Variants in MIA2 observed in about 807,000 individuals in gnomAD.
The protein encoded by MIA2 is MIA SH3 domain ER export factor 2.
In MIA2, 127 loss-of-function variants were observed where a neutral mutation model predicts 167.8. That is an observed-to-expected ratio of 0.76 (90% confidence interval 0.66 to 0.88). MIA2 has a LOEUF of 0.88. Ranked by LOEUF, MIA2 falls within the 40% of genes least tolerant of loss-of-function variation. The probability of loss-of-function intolerance (pLI) is 0.00; values close to 1 mark genes in which losing one functional copy is unlikely to be tolerated. For missense variants in MIA2, 1,690 were observed against 1,624.7 expected (o/e 1.04, Z -0.69); for synonymous variants, 552 against 541.9 (o/e 1.02, Z -0.26).
In MIA2 at chr14:39,299,920, A is replaced by G; in HGVS notation, c.2553A>G (p.Lys851=). 6.2e-7 allele frequency: 1 copy of G among 1,610,130 alleles called. No homozygotes were observed. Among genetic ancestry groups the G allele is most frequent in the Non-Finnish European group, 8.5e-7 (1 of 1,178,932 alleles). ...KEQVSELNKQ[K]VTFEDSKVHA... is the part of the protein sequence containing the mutation. Reference sequence around the variant, plus strand: ...AAGTGAGTGAACTTAATAAACAGAAAGTAACATTTGAAGACTCCAAAGTAC... The same window carrying G: ...AAGTGAGTGAACTTAATAAACAGAAGGTAACATTTGAAGACTCCAAAGTAC... Residue 851 remains lysine, a synonymous_variant, in exon 14 of 29, where the codon AAA becomes AAG. Transcript: ENST00000640607.
At chr14:39,258,611 C>T (rs938544557) in intron 6 of MIA2, among the ~76,000 whole-genome samples, 1 of 152,182 alleles carries the variant, frequency 6.6e-6, no homozygotes. Flanking sequence ...ATTCTCTGTT[C>T]AGTTTTGTGC....
At chr14:39,286,787 G>T (rs1183041187) in intron 9 of MIA2, among the ~76,000 whole-genome samples, 1 of 147,566 alleles carries the variant, frequency 6.8e-6, no homozygotes, top group Non-Finnish European at 1.5e-5. Flanking sequence ...TCTGCCTCCC[G>T]GGTTCAAGTG....
intron 6 of MIA2, 169 bp downstream of exon 6, chr14:39,253,340 A>C (rs1408779623): frequency 1.1e-6 from 1 of 894,956 alleles, no homozygotes; most frequent in Non-Finnish European, 1.7e-6. Flanking sequence ...GTTTTGTCAA[A>C]TGGATATTGA....
Position 39,345,984 on chromosome 14 carries a change from G to C in MIA2, c.3736G>C (p.Ala1246Pro). The stretch of plus-strand genomic sequence containing the variant: ...TAATTCTGGTAGACTGTCTGGACCA[G>C]CAGAACTCAGAAGTTTTAATATGCC... The part of the protein sequence containing the change: ...CSNSGRLSGP[A>P]ELRSFNMPSL... Residue 1246 changes from alanine (A) to proline (P), a missense_variant, in exon 26 of 29, where the codon GCA (alanine) becomes CCA (proline). Coordinates refer to ENST00000640607, the MANE Select transcript of MIA2 (RefSeq NM_001329214.4). The C allele has an allele frequency of 6.2e-7, 1 of 1,611,862 alleles. No individual in the cohort carries two copies. Among genetic ancestry groups the C allele is most frequent in the African/African-American group, 1.3e-5 (1 of 75,012 alleles).
intron 9 of MIA2, among the ~76,000 whole-genome samples, chr14:39,280,944 CGT>C (rs1491367925): frequency 6.1e-5 from 3 of 49,374 alleles, no homozygotes; most frequent in African/African-American, 3.1e-4. Flanking sequence ...TTTGAGACAG[CGT>C]CTCTCTCTCT....
At chr14:39,288,449 A>ATTTTTTTTTTTTTTTTTTTT (rs1566746769) in intron 9 of MIA2, among the ~76,000 whole-genome samples, 2 of 4,376 alleles carry the variant, frequency 4.6e-4, no homozygotes, top group East Asian at 4.0e-3. Context: ...ATATATATAT[A>ATTTTTTTTTTTTTTTTTTTT]TATATATATA....
intron 25 of MIA2, among the ~76,000 whole-genome samples, chr14:39,337,993 G>A (rs545512248): frequency 6.6e-6 from 1 of 152,172 alleles, no homozygotes; most frequent in Non-Finnish European, 1.5e-5. Context: ...AAAGTGCTGG[G>A]ATTACAGGCG....
chr14:39,321,135 T>A (rs1384767808), intron 24 of MIA2, 79 bp downstream of exon 24: 2 of 1,418,158 alleles, frequency 1.4e-6, no homozygotes, highest in Non-Finnish European at 9.6e-7. Flanking sequence ...TTAAAAATGA[T>A]CTGTAAAATA....
chr14:39,345,651 C>T (rs2073074185), intron 25 of MIA2, among the ~76,000 whole-genome samples: 1 of 152,146 alleles, frequency 6.6e-6, no homozygotes, highest in African/African-American at 2.4e-5. Flanking sequence ...TCTGTTTTCA[C>T]ATATTCTAAT....
intron 20 of MIA2, 104 bp from the exon 21 acceptor site, chr14:39,315,579 T>C: frequency 1.2e-6 from 1 of 817,008 alleles, no homozygotes; most frequent in Non-Finnish European, 2.0e-6. Flanking sequence ...TCAGAGATGC[T>C]TGGGATAGTT....
chr14:39,357,374 C>A (rs1344404201), intron 23 of MIA2, among the ~76,000 whole-genome samples: 1 of 152,110 alleles, frequency 6.6e-6, no homozygotes, highest in African/African-American at 2.4e-5. Flanking sequence ...AGGATTGCAA[C>A]CCCTGCCTTT....
intron 14 of MIA2, among the ~76,000 whole-genome samples, chr14:39,301,278 A>C (rs1426006482): frequency 1.3e-5 from 2 of 152,074 alleles, no homozygotes; most frequent in African/African-American, 4.8e-5. Flanking sequence ...TGGCCAGGCT[A>C]GTCTTGGAAC....
chr14:39,382,953 GTTT>G (rs10689511), intron 23 of MIA2, among the ~76,000 whole-genome samples: 1 of 75,054 alleles, frequency 1.3e-5, no homozygotes, highest in African/African-American at 5.3e-5. Flanking sequence ...TATGGCCACA[GTTT>G]TTTTTTTTTT....
chr14:39,241,863 G>T (rs1400775740), intron 3 of MIA2, among the ~76,000 whole-genome samples: 1 of 152,070 alleles, frequency 6.6e-6, no homozygotes, highest in Non-Finnish European at 1.5e-5. Context: ...CCTGTCTCTG[G>T]TGCCACTCTC....
chr14:39,247,308 C>T lies in MIA2; in HGVS notation c.734C>T (p.Pro245Leu). 1 of 1,613,864 alleles carries T rather than the reference C, an allele frequency of 6.2e-7. No individual in the cohort carries two copies. Among genetic ancestry groups the T allele is most frequent in the Non-Finnish European group, 8.5e-7 (1 of 1,179,946 alleles). Reference sequence around the variant, plus strand: ...AAGGCTTTTGAATCAGTTATTGAACCTGTACAAGAAAGCTCATTTCGGAGT... The same window carrying T: ...AAGGCTTTTGAATCAGTTATTGAACTTGTACAAGAAAGCTCATTTCGGAGT... The part of the protein sequence containing the change: ...EEKAFESVIE[P>L]VQESSFRSRK... The change falls in exon 4 of 29, where the codon CCT (proline) becomes CTT (leucine). Residue 245 changes from proline to leucine, a missense_variant. Physicochemically the swap from Pro to Leu is moderately conservative, Grantham distance 98. Coordinates refer to ENST00000640607, the MANE Select transcript of MIA2 (RefSeq NM_001329214.4).
chr14:39,295,120 A>G, intron 13 of MIA2, 91 bp downstream of exon 13: 3 of 860,966 alleles, frequency 3.5e-6, no homozygotes, highest in South Asian at 2.8e-5. Flanking sequence ...AGGGACAAGT[A>G]TAGGCTTTTC....
intron 9 of MIA2, among the ~76,000 whole-genome samples, chr14:39,281,657 C>T (rs7494635): frequency 6.8e-6 from 1 of 147,612 alleles, no homozygotes; most frequent in African/African-American, 2.5e-5. Flanking sequence ...TCCCCTGTTG[C>T]CCAGGCTGGA....
intron 21 of MIA2, among the ~76,000 whole-genome samples, chr14:39,317,664 A>G (rs975079531): frequency 8.5e-5 from 13 of 152,324 alleles, no homozygotes; most frequent in African/African-American, 2.2e-4. Flanking sequence ...TACTTGTTCA[A>G]TCTACTCAGT....
intron 25 of MIA2, among the ~76,000 whole-genome samples, chr14:39,334,301 C>A (rs916543295): frequency 4.6e-4 from 70 of 151,920 alleles, no homozygotes; most frequent in Admixed American, 4.5e-3. Flanking sequence ...ATGGCAAAAC[C>A]CTGTTCCTAC....
Sources: gnomAD v4.1 joint callset for allele counts (sites outside exome capture counted in the v4.1 genomes callset) on GRCh38, gnomAD v4.1.1 for gene constraint, MANE v1.5 for transcripts, NCBI Gene and HGNC (gene_info 2026-07-23, HGNC 2026-07-21) for gene names.